Variants in PTN observed in about 807,000 individuals in gnomAD.
The protein encoded by PTN is heparin affin regulatory protein.
PTN carries 18 observed loss-of-function variants against 24.1 expected under a neutral mutation model. The observed-to-expected ratio is 0.75, with a 90% CI of 0.52 to 1.11. The LOEUF is 1.11. Ranked by LOEUF, PTN falls within the 50% of genes least tolerant of loss-of-function variation. The probability of loss-of-function intolerance (pLI) is 0.00; values close to 1 mark genes in which losing one functional copy is unlikely to be tolerated. For synonymous variants in PTN, 78 were observed against 68.6 expected (o/e 1.14, Z -0.67); for missense variants, 163 against 198.8 (o/e 0.82, Z 1.08).
intron 1 of PTN, chr7:137,318,551 ACTTT>A (rs1810110680): frequency 6.6e-6 from 1 of 152,304 alleles, no homozygotes; most frequent in Admixed American, 6.5e-5. Context: ...GTTTCATTTA[ACTTT>A]CTATTTCCAG....
chr7:137,306,282 G>A (rs1036990518), intron 1 of PTN, among the ~76,000 whole-genome samples: 6 of 151,998 alleles, frequency 3.9e-5, no homozygotes, highest in African/African-American at 1.2e-4. Flanking sequence ...AAGTCTCTCC[G>A]GTTGAAAGCT....
intron 1 of PTN, among the ~76,000 whole-genome samples, chr7:137,318,290 A>C (rs1810106548): frequency 6.6e-6 from 1 of 152,144 alleles, no homozygotes; most frequent in Non-Finnish European, 1.5e-5. Context: ...TAAAAGAGTA[A>C]TCTAGTGGCT....
intron 1 of PTN, among the ~76,000 whole-genome samples, chr7:137,312,272 G>A (rs28378732): frequency 0.016 from 2,493 of 152,272 alleles, 69 homozygotes; most frequent in African/African-American, 0.057. Context: ...CAGCAATGAG[G>A]CATTCAAATG....
intron 1 of PTN, among the ~76,000 whole-genome samples, chr7:137,290,877 A>G (rs1457322514): frequency 6.6e-6 from 1 of 152,182 alleles, no homozygotes; most frequent in Non-Finnish European, 1.5e-5. Flanking sequence ...ATATATTTTT[A>G]CTTGAAATAA....
At chr7:137,276,253 AG>A (rs1809357064) in intron 1 of PTN, among the ~76,000 whole-genome samples, 1 of 152,224 alleles carries the variant, frequency 6.6e-6, no homozygotes, top group Non-Finnish European at 1.5e-5. Context: ...AATTTGTGCC[AG>A]AAAAGGAATT....
chr7:137,274,527 G>T (rs141812423), intron 1 of PTN, among the ~76,000 whole-genome samples: 14 of 147,918 alleles, frequency 9.5e-5, no homozygotes, highest in Non-Finnish European at 1.8e-4. Flanking sequence ...CCCACCCCCC[G>T]ACAGGCCCTG....
chr7:137,279,426 T>A (rs923534736), intron 1 of PTN, among the ~76,000 whole-genome samples: 1 of 152,180 alleles, frequency 6.6e-6, no homozygotes, highest in African/African-American at 2.4e-5. Context: ...TTCTTTTAAA[T>A]TGGAATTTAA....
intron 4 of PTN, among the ~76,000 whole-genome samples, chr7:137,238,983 T>C (rs891586): frequency 0.11 from 17,322 of 152,224 alleles, 1,340 homozygotes; most frequent in East Asian, 0.31. Context: ...TATGCAGCTT[T>C]CCTTAGTACT....
intron 1 of PTN, among the ~76,000 whole-genome samples, chr7:137,284,380 C>G (rs545130530): frequency 2.6e-5 from 4 of 152,036 alleles, no homozygotes; most frequent in Non-Finnish European, 4.4e-5. Context: ...TTTTATTTTT[C>G]TTTCTTTTTT....
At chr7:137,331,139 T>G (rs1250507187) in intron 1 of PTN, among the ~76,000 whole-genome samples, 1 of 151,812 alleles carries the variant, frequency 6.6e-6, no homozygotes, top group Admixed American at 6.6e-5. Flanking sequence ...TTTAACATCT[T>G]GTGAAAGAAT....
chr7:137,274,130 C>G (rs1329328821), intron 1 of PTN, among the ~76,000 whole-genome samples: 1 of 151,838 alleles, frequency 6.6e-6, no homozygotes, highest in Admixed American at 6.6e-5. Flanking sequence ...AAGGAAGCAC[C>G]AAGGGTTGCA....
At chr7:137,322,355 T>C (rs1355708433) in intron 1 of PTN, among the ~76,000 whole-genome samples, 1 of 152,138 alleles carries the variant, frequency 6.6e-6, no homozygotes, top group East Asian at 1.9e-4. Flanking sequence ...TCAGTTCATA[T>C]AGTTATTTTT....
intron 1 of PTN, among the ~76,000 whole-genome samples, chr7:137,328,420 T>A (rs932367169): frequency 2.8e-4 from 43 of 152,320 alleles, no homozygotes; most frequent in African/African-American, 1.0e-3. Flanking sequence ...CAGCCTCTGT[T>A]CATCTGTGTC....
intron 1 of PTN, among the ~76,000 whole-genome samples, chr7:137,343,210 C>T (rs762471163): frequency 7.2e-5 from 11 of 152,104 alleles, no homozygotes; most frequent in Non-Finnish European, 1.5e-4. Flanking sequence ...AACTTCTTTC[C>T]TTTCACTTAC....
chr7:137,335,461 A>C (rs567291667), intron 1 of PTN, among the ~76,000 whole-genome samples: 2 of 152,298 alleles, frequency 1.3e-5, no homozygotes, highest in African/African-American at 4.8e-5. Context: ...CAAAGATGTA[A>C]GTTTTAGAAG....
intron 1 of PTN, among the ~76,000 whole-genome samples, chr7:137,333,555 T>C (rs984393936): frequency 6.6e-6 from 1 of 152,132 alleles, no homozygotes; most frequent in African/African-American, 2.4e-5. Context: ...TCCATTATGG[T>C]ATGGAAGGAA....
At chr7:137,314,145 T>C (rs1006779943) in intron 1 of PTN, among the ~76,000 whole-genome samples, 2 of 152,198 alleles carry the variant, frequency 1.3e-5, no homozygotes, top group African/African-American at 2.4e-5. Flanking sequence ...TTTAGAGTCA[T>C]TGTGGCTCAG....
chr7:137,328,971 A>C (rs1346970948), intron 1 of PTN, among the ~76,000 whole-genome samples: 3 of 152,192 alleles, frequency 2.0e-5, no homozygotes, highest in Admixed American at 6.5e-5. Context: ...GACCCTTGAC[A>C]TTGAATAGGG....
At chr7:137,236,256 T>TTGAGA in intron 4 of PTN, 2 of 702,310 alleles carry the variant, frequency 2.8e-6, no homozygotes, top group Non-Finnish European at 5.2e-6. Context: ...TAAGAAGGAA[T>TTGAGA]TGAGATATCT....
Sources: gnomAD v4.1 joint callset for allele counts (sites outside exome capture counted in the v4.1 genomes callset) on GRCh38, gnomAD v4.1.1 for gene constraint, MANE v1.5 for transcripts, NCBI Gene and HGNC (gene_info 2026-07-23, HGNC 2026-07-21) for gene names.